CHST8: variants seen among roughly 807,000 people sequenced by gnomAD.
The protein encoded by CHST8 is carbohydrate sulfotransferase 8, also known as GALNAC-4-ST1.
Under a neutral mutation model 15.0 loss-of-function variants are expected in CHST8, and 10 were observed. The observed-to-expected ratio is 0.67, with a 90% CI of 0.41 to 1.13. The LOEUF (loss-of-function observed/expected upper bound fraction) is 1.13. Ranked by LOEUF, CHST8 falls within the 50% of genes most tolerant of loss-of-function variation. The pLI is 0.00. For missense variants in CHST8, 634 were observed against 608.2 expected (o/e 1.04, Z -0.45); for synonymous variants, 259 against 256.6 (o/e 1.01, Z -0.09).
intron 3 of CHST8, among the ~76,000 whole-genome samples, chr19:33,692,534 C>CA (rs556165467): frequency 3.7e-4 from 56 of 150,812 alleles, no homozygotes; most frequent in African/African-American, 4.6e-4. Flanking sequence ...CCTGTCTCTA[C>CA]AAAAAAAAAT....
rs1299318315 is a variant in CHST8 at position 33,680,808 on chromosome 19, C to T, written c.-86-8368C>T. On this transcript the variant is annotated intron_variant, in intron 2 of 4. Transcript: ENST00000650847. Reference sequence around the variant, plus strand: ...CATGGAAATGACTATCTCTTATTTACGTGCACAACATTAGAATTGGCTTCC... The same window carrying T: ...CATGGAAATGACTATCTCTTATTTATGTGCACAACATTAGAATTGGCTTCC... Among the ~76,000 whole-genome samples the T allele has an allele frequency of 4.6e-5, 7 of 152,268 alleles. 1 individual carries two copies. The highest frequency in any genetic ancestry group is 4.1e-4 in the South Asian group (2 of 4,822).
chr19:33,759,169 A>G (rs936913680), intron 3 of CHST8, among the ~76,000 whole-genome samples: 11 of 152,016 alleles, frequency 7.2e-5, no homozygotes, highest in Non-Finnish European at 1.5e-4. Flanking sequence ...ACACTTCAAC[A>G]TGAGATTTGG....
intron 1 of CHST8, among the ~76,000 whole-genome samples, chr19:33,634,058 G>A (rs1972159880): frequency 6.6e-6 from 1 of 151,960 alleles, no homozygotes; most frequent in Non-Finnish European, 1.5e-5. Flanking sequence ...GGGCTTAAGC[G>A]ATCCTCCCGC....
chr19:33,643,613 C>G (rs1972312421), intron 1 of CHST8, among the ~76,000 whole-genome samples: 2 of 152,210 alleles, frequency 1.3e-5, no homozygotes, highest in South Asian at 4.1e-4. Flanking sequence ...GCCACCTTGA[C>G]CATTTGCTTA....
At chr19:33,760,766 AC>A (rs1277619842) in intron 3 of CHST8, among the ~76,000 whole-genome samples, 1 of 152,114 alleles carries the variant, frequency 6.6e-6, no homozygotes, top group African/African-American at 2.4e-5. Flanking sequence ...AGGAGCTGTC[AC>A]CTGCAACACT....
At chr19:33,683,320 A>ATG (rs954442484) in intron 2 of CHST8, among the ~76,000 whole-genome samples, 1 of 152,178 alleles carries the variant, frequency 6.6e-6, no homozygotes, top group Non-Finnish European at 1.5e-5. Flanking sequence ...GTGTATGTAT[A>ATG]TGTAGAGGGA....
chr19:33,759,437 C>T (rs1217140519), intron 3 of CHST8, among the ~76,000 whole-genome samples: 1 of 152,240 alleles, frequency 6.6e-6, no homozygotes, highest in Admixed American at 6.5e-5. Context: ...GTCACGGCTG[C>T]TGAGAGCCTG....
intron 3 of CHST8, among the ~76,000 whole-genome samples, chr19:33,760,907 C>T (rs1974711839): frequency 6.6e-6 from 1 of 152,236 alleles, no homozygotes; most frequent in African/African-American, 2.4e-5. Flanking sequence ...AGGGGCCACA[C>T]TATCCCATTC....
chr19:33,679,308 G>A (rs1379125185), intron 2 of CHST8, among the ~76,000 whole-genome samples: 1 of 152,246 alleles, frequency 6.6e-6, no homozygotes, highest in African/African-American at 2.4e-5. Flanking sequence ...GAACTGAAAG[G>A]AAGCTGGCCA....
chr19:33,636,178 A>T (rs543873717), intron 1 of CHST8, among the ~76,000 whole-genome samples: 1 of 152,064 alleles, frequency 6.6e-6, no homozygotes, highest in African/African-American at 2.4e-5. Context: ...GTAACGTTTT[A>T]CGAGTCGATG....
At chr19:33,759,249 CT>C (rs1218794852) in intron 3 of CHST8, among the ~76,000 whole-genome samples, 2 of 152,234 alleles carry the variant, frequency 1.3e-5, no homozygotes, top group African/African-American at 4.8e-5. Flanking sequence ...GGGCTCCAGC[CT>C]GACTCACTTG....
chr19:33,703,895 A>G (rs751966446), intron 3 of CHST8, among the ~76,000 whole-genome samples: 92 of 152,304 alleles, frequency 6.0e-4, no homozygotes, highest in Admixed American at 1.0e-3. Flanking sequence ...CTGAGCTTAA[A>G]TCGGTTCAGT....
chr19:33,650,525 T>TTC lies in CHST8; in HGVS notation c.-163-17241_-163-17240insCT, dbSNP rs1309203449. ...TCTTTTTCTTTTTCTTTTCTTTTTT[T>TTC]TTTTTTTTTTTTTTTTTTTTTTGAG... is the stretch of plus-strand genomic sequence containing the variant. On this transcript the variant is annotated intron_variant, in intron 1 of 4. Coordinates refer to ENST00000650847, the MANE Select transcript of CHST8 (RefSeq NM_001127895.2). Among the ~76,000 whole-genome samples the TTC allele has an allele frequency of 1.3e-3, 136 of 108,412 alleles. 2 individuals are homozygous for TTC. Among genetic ancestry groups the TTC allele is most frequent in the African/African-American group, 4.7e-3 (123 of 26,030 alleles). The allele number at this position is 108,412 out of a possible 152,430, so 71.1% of individuals were successfully genotyped here. A position where few individuals can be genotyped will look rare whatever the true frequency, so the allele number is the denominator to read the frequency against.
At chr19:33,701,576 T>C (rs780263825) in intron 3 of CHST8, among the ~76,000 whole-genome samples, 4 of 152,184 alleles carry the variant, frequency 2.6e-5, no homozygotes, top group Admixed American at 2.0e-4. Context: ...GTGAGACTTA[T>C]GTTTTAAAAG....
At chr19:33,753,003 G>A (rs1025590067) in intron 3 of CHST8, among the ~76,000 whole-genome samples, 2 of 152,130 alleles carry the variant, frequency 1.3e-5, no homozygotes, top group African/African-American at 2.4e-5. Flanking sequence ...TTCAGCGTTC[G>A]GTGGAGAAAG....
chr19:33,709,718 G>C (rs1277400533), intron 3 of CHST8, among the ~76,000 whole-genome samples: 10 of 152,042 alleles, frequency 6.6e-5, no homozygotes, highest in Non-Finnish European at 1.5e-5. Context: ...GAATTGGGAA[G>C]TATTTTTACC....
chr19:33,678,259 A>C (rs1013985049), intron 2 of CHST8, among the ~76,000 whole-genome samples: 3 of 152,188 alleles, frequency 2.0e-5, no homozygotes, highest in African/African-American at 7.2e-5. Context: ...TCCCATGCAC[A>C]GTCACTCATT....
chr19:33,751,794 A>T (rs899966026), intron 3 of CHST8, among the ~76,000 whole-genome samples: 2 of 152,226 alleles, frequency 1.3e-5, no homozygotes, highest in African/African-American at 4.8e-5. Context: ...CAGGGATAGT[A>T]AAACCTATCC....
chr19:33,681,642 G>T (rs1972891380), intron 2 of CHST8, among the ~76,000 whole-genome samples: 1 of 152,180 alleles, frequency 6.6e-6, no homozygotes, highest in African/African-American at 2.4e-5. Context: ...CCTGTTTCAA[G>T]ACATTTGTCT....
Sources: gnomAD v4.1 joint callset for allele counts (sites outside exome capture counted in the v4.1 genomes callset) on GRCh38, gnomAD v4.1.1 for gene constraint, MANE v1.5 for transcripts, NCBI Gene and HGNC (gene_info 2026-07-23, HGNC 2026-07-21) for gene names.